ME1: variants seen among roughly 807,000 people sequenced by gnomAD.
ME1 encodes malic enzyme 1.
ME1 carries 74 observed loss-of-function variants against 66.4 expected under a neutral mutation model. That is an observed-to-expected ratio of 1.11 (90% CI 0.92 to 1.35). The LOEUF (loss-of-function observed/expected upper bound fraction) is 1.35. Ranked by LOEUF, ME1 falls within the 40% of genes most tolerant of loss-of-function variation. The pLI is 0.00. For synonymous variants in ME1, 251 were observed against 235.6 expected, an observed-to-expected ratio of 1.07 and a Z score of -0.60; for missense variants, 750 against 694.1, an observed-to-expected ratio of 1.08 and a Z score of -0.90.
chr6:83,427,402 C>G (rs1770393709), intron 1 of ME1, among the ~76,000 whole-genome samples: 1 of 152,098 alleles, frequency 6.6e-6, no homozygotes, highest in African/African-American at 2.4e-5. Flanking sequence ...CTTAGGTTAT[C>G]CAGCAAGTAA....
At chr6:83,213,252 C>G (rs572576674) in intron 13 of ME1, among the ~76,000 whole-genome samples, 73 of 151,512 alleles carry the variant, frequency 4.8e-4, no homozygotes, top group African/African-American at 1.6e-3. Flanking sequence ...TGGAGAAACC[C>G]CATCTCTACT....
intron 6 of ME1, among the ~76,000 whole-genome samples, chr6:83,298,489 C>T (rs886941751): frequency 2.6e-5 from 4 of 151,986 alleles, no homozygotes; most frequent in Non-Finnish European, 5.9e-5. Context: ...GGATAGATTG[C>T]AAAAATTTTC....
At chr6:83,256,551 C>A (rs1475834403) in intron 6 of ME1, among the ~76,000 whole-genome samples, 2 of 152,020 alleles carry the variant, frequency 1.3e-5, no homozygotes, top group Non-Finnish European at 2.9e-5. Flanking sequence ...ACAGAAGCTG[C>A]AAAGGATGTG....
chr6:83,384,495 T>C (rs1769472174), intron 3 of ME1, among the ~76,000 whole-genome samples: 1 of 151,834 alleles, frequency 6.6e-6, no homozygotes, highest in Admixed American at 6.6e-5. Context: ...TGGGATTGTT[T>C]GGTTTTTGCT....
chr6:83,378,050 G>A (rs896237093), intron 3 of ME1, among the ~76,000 whole-genome samples: 1 of 152,060 alleles, frequency 6.6e-6, no homozygotes, highest in Admixed American at 6.6e-5. Context: ...AGGGGAGGAA[G>A]AAAGTGTGAG....
At chr6:83,269,097 G>C (rs1340442004) in intron 6 of ME1, among the ~76,000 whole-genome samples, 1 of 152,094 alleles carries the variant, frequency 6.6e-6, no homozygotes, top group East Asian at 1.9e-4. Flanking sequence ...AGATATCTGT[G>C]TATATTTAGG....
intron 6 of ME1, among the ~76,000 whole-genome samples, chr6:83,289,362 G>C (rs1230537074): frequency 6.6e-6 from 1 of 152,150 alleles, no homozygotes; most frequent in East Asian, 1.9e-4. Flanking sequence ...AGCATGAAAG[G>C]CTGTTGAATA....
At chr6:83,364,914 C>T (rs949814615) in intron 3 of ME1, among the ~76,000 whole-genome samples, 1 of 152,090 alleles carries the variant, frequency 6.6e-6, no homozygotes, top group African/African-American at 2.4e-5. Flanking sequence ...CCTCCCCTCC[C>T]CAAGTTGATG....
At position 83,412,589 on chromosome 6, in the gene ME1, G is replaced by C. The variant is rs78610789; in HGVS notation, c.79-4688C>G. ...GGAAAGTAATAATTGCAAATAATTT[G>C]AAACAACAAAAGTCCTTCAACTAGT... On this transcript the variant is annotated intron_variant, in intron 1 of 13. Transcript: ENST00000369705. Among the ~76,000 whole-genome samples the C allele has an allele frequency of 5.8e-3, 884 of 152,222 alleles. 8 individuals carry two copies. Among genetic ancestry groups the C allele is most frequent in the African/African-American group, 0.02 (845 of 41,556 alleles).
At position 83,331,975 on chromosome 6, in the gene ME1, C is replaced by T. The variant is rs75813746; in HGVS notation, c.600+14198G>A. ...ACAAGAAAAACAGACATATAATCAA[C>T]ATAATTTCTATGAAAAGATTTGGCA... On this transcript the variant is annotated intron_variant, in intron 5 of 13. Coordinates refer to ENST00000369705, the MANE Select transcript of ME1 (RefSeq NM_002395.6). 5.8e-3 allele frequency among the ~76,000 whole-genome samples: 880 copies of T among 152,148 alleles called. 8 individuals are homozygous for T. The highest frequency in any genetic ancestry group is 0.02 in the African/African-American group (841 of 41,520).
At chr6:83,297,189 A>G (rs1341813663) in intron 6 of ME1, among the ~76,000 whole-genome samples, 2 of 152,106 alleles carry the variant, frequency 1.3e-5, no homozygotes. Context: ...CAAATCAGGA[A>G]CTCAATCCCA....
intron 3 of ME1, among the ~76,000 whole-genome samples, chr6:83,360,617 G>T (rs1301045612): frequency 3.3e-5 from 5 of 152,206 alleles, no homozygotes; most frequent in African/African-American, 1.2e-4. Context: ...CATTAGAGCT[G>T]CCTCTACCTA....
rs147112211 is a variant in ME1 at position 83,381,418 on chromosome 6, C to T, written c.362+16949G>A. 7.0e-3 allele frequency among the ~76,000 whole-genome samples: 1,019 copies of T among 146,572 alleles called. 11 individuals are homozygous for T. The highest frequency in any genetic ancestry group is 0.024 in the African/African-American group (930 of 39,290). ...AAATTCTTTTTTTTTTTTTTTGAGA[C>T]GGAGTCTCGCTCTGTTGCCCAGGCT... On this transcript the variant is annotated intron_variant, in intron 3 of 13. Coordinates refer to ENST00000369705, the MANE Select transcript of ME1 (RefSeq NM_002395.6).
chr6:83,324,274 A>C (rs954510434), intron 5 of ME1, among the ~76,000 whole-genome samples: 4 of 151,848 alleles, frequency 2.6e-5, no homozygotes, highest in African/African-American at 9.7e-5. Context: ...CACAATTAAA[A>C]GAACTAGAGA....
chr6:83,244,020 G>C (rs1790568965), intron 7 of ME1, among the ~76,000 whole-genome samples: 2 of 150,710 alleles, frequency 1.3e-5, no homozygotes, highest in African/African-American at 4.9e-5. Flanking sequence ...GGTCATTGGA[G>C]TATAAGACAC....
At chr6:83,284,602 T>C (rs1404866706) in intron 6 of ME1, among the ~76,000 whole-genome samples, 2 of 151,978 alleles carry the variant, frequency 1.3e-5, no homozygotes, top group East Asian at 3.9e-4. Flanking sequence ...ACAAAAACCA[T>C]AGGATCATCT....
At chr6:83,408,339 T>C (rs1000559775) in intron 1 of ME1, among the ~76,000 whole-genome samples, 1 of 152,214 alleles carries the variant, frequency 6.6e-6, no homozygotes, top group African/African-American at 2.4e-5. Flanking sequence ...TATATGATTC[T>C]GAGTTACCTG....
At chr6:83,293,699 G>T (rs918176091) in intron 6 of ME1, among the ~76,000 whole-genome samples, 1 of 152,142 alleles carries the variant, frequency 6.6e-6, no homozygotes, top group African/African-American at 2.4e-5. Flanking sequence ...TAAGCGAAAG[G>T]AGCTGTCATA....
chr6:83,212,853 A>G (rs1230048848), intron 13 of ME1, among the ~76,000 whole-genome samples: 1 of 152,138 alleles, frequency 6.6e-6, no homozygotes, highest in Admixed American at 6.5e-5. Flanking sequence ...GGAGAATCAC[A>G]TCATCATATC....
Sources: allele counts gnomAD v4.1 joint callset (sites outside exome capture counted in the v4.1 genomes callset), GRCh38; gene constraint gnomAD v4.1.1; transcripts MANE v1.5; gene names NCBI Gene and HGNC (gene_info 2026-07-23, HGNC 2026-07-21).